Variants in ARHGAP15 observed in about 807,000 individuals in gnomAD.
ARHGAP15 encodes the protein rho GTPase-activating protein 15.
ARHGAP15 carries 51 observed loss-of-function variants against 63.7 expected under a neutral mutation model. The observed-to-expected ratio is 0.80, with a 90% CI of 0.64 to 1.01. The LOEUF (loss-of-function observed/expected upper bound fraction) is 1.01, where lower values mean the gene tolerates loss of function less well. Among genes scored for constraint, ARHGAP15 ranks in the 50% least tolerant of loss-of-function variants. The probability of loss-of-function intolerance (pLI) is 0.00; values close to 1 mark genes in which losing one functional copy is unlikely to be tolerated. For missense variants in ARHGAP15, 560 were observed against 564.6 expected (o/e 0.99, Z 0.08); for synonymous variants, 191 against 193.8 (o/e 0.99, Z 0.12).
chr2:143,279,469 A>G (rs1681735428), intron 6 of ARHGAP15, among the ~76,000 whole-genome samples: 1 of 152,160 alleles, frequency 6.6e-6, no homozygotes, highest in African/African-American at 2.4e-5. Flanking sequence ...ACCCGGGCCT[A>G]TTTTTGAGAT....
intron 1 of ARHGAP15, 49 bp downstream of exon 1, chr2:143,129,515 C>T (rs354710): frequency 0.5 from 76,593 of 152,026 alleles, 20,506 homozygotes; most frequent in Non-Finnish European, 0.6. Flanking sequence ...TGAACATGTT[C>T]GGCAGAGTTT....
intron 4 of ARHGAP15, among the ~76,000 whole-genome samples, chr2:143,225,523 C>G (rs747615778): frequency 1.3e-5 from 2 of 152,164 alleles, no homozygotes; most frequent in African/African-American, 2.4e-5. Flanking sequence ...ATGGCATGAA[C>G]CCAGGAGGCG....
chr2:143,430,226 A>G (rs928729475), intron 6 of ARHGAP15, among the ~76,000 whole-genome samples: 4 of 151,866 alleles, frequency 2.6e-5, no homozygotes, highest in Non-Finnish European at 5.9e-5. Context: ...ACATCTAGCA[A>G]CATTGGGAAC....
At chr2:143,766,448 TGG>T (rs2105562119) in intron 13 of ARHGAP15, among the ~76,000 whole-genome samples, 1 of 152,238 alleles carries the variant, frequency 6.6e-6, no homozygotes, top group African/African-American at 2.4e-5. Context: ...TACTTCACAA[TGG>T]CCCCCAACGT....
chr2:143,208,521 AACTACCCAGTTC>A (rs1347642539), intron 3 of ARHGAP15, among the ~76,000 whole-genome samples: 29 of 152,316 alleles, frequency 1.9e-4, no homozygotes, highest in Middle Eastern at 3.4e-3. Context: ...TCAGAGTGGA[AACTACCCAGTTC>A]ACTGACAGAT....
intron 2 of ARHGAP15, among the ~76,000 whole-genome samples, chr2:143,184,030 G>C (rs1376164123): frequency 6.6e-6 from 1 of 152,102 alleles, no homozygotes; most frequent in African/African-American, 2.4e-5. Context: ...CCAAGTCCCA[G>C]GAAGAAAAGA....
intron 6 of ARHGAP15, among the ~76,000 whole-genome samples, chr2:143,397,032 TCTC>T (rs888398611): frequency 3.9e-5 from 6 of 151,940 alleles, no homozygotes; most frequent in African/African-American, 1.5e-4. Context: ...AAAATAGAGT[TCTC>T]CTCCTCCACA....
At chr2:143,229,009 A>G (rs1186683388) in intron 5 of ARHGAP15, among the ~76,000 whole-genome samples, 1 of 152,192 alleles carries the variant, frequency 6.6e-6, no homozygotes, top group African/African-American at 2.4e-5. Context: ...CAAATAATGT[A>G]TTATAAAGTA....
chr2:143,561,600 C>A (rs1219439909), intron 11 of ARHGAP15, among the ~76,000 whole-genome samples: 1 of 151,290 alleles, frequency 6.6e-6, no homozygotes, highest in African/African-American at 2.4e-5. Flanking sequence ...ACTGCAACCT[C>A]CACCTCCCGG....
At chr2:143,319,909 G>A (rs1316759996) in intron 6 of ARHGAP15, among the ~76,000 whole-genome samples, 2 of 152,042 alleles carry the variant, frequency 1.3e-5, no homozygotes, top group Admixed American at 6.5e-5. Flanking sequence ...CACCAAGATC[G>A]GTAAAAATGT....
At chr2:143,484,686 C>CATAT (rs1423283473) in intron 8 of ARHGAP15, among the ~76,000 whole-genome samples, 1 of 152,100 alleles carries the variant, frequency 6.6e-6, no homozygotes, top group Non-Finnish European at 1.5e-5. Flanking sequence ...CAACATGAAA[C>CATAT]ATATGTATAA....
chr2:143,541,842 G>C (rs4306665), intron 10 of ARHGAP15, among the ~76,000 whole-genome samples: 41,770 of 152,160 alleles, frequency 0.27, 6,103 homozygotes, highest in African/African-American at 0.38. Context: ...ACTTGAGGAG[G>C]CAGTCTGCCC....
chr2:143,144,235 T>C (rs931263212), intron 1 of ARHGAP15, among the ~76,000 whole-genome samples: 2 of 152,046 alleles, frequency 1.3e-5, no homozygotes, highest in Non-Finnish European at 2.9e-5. Context: ...TACACATGCA[T>C]AAAGGGATGA....
chr2:143,429,529 C>T (rs752657993), intron 6 of ARHGAP15, among the ~76,000 whole-genome samples: 6 of 152,046 alleles, frequency 3.9e-5, no homozygotes, highest in Non-Finnish European at 7.4e-5. Flanking sequence ...TAAGAAATTG[C>T]TTACATGGGC....
chr2:143,411,891 CAGAA>C (rs1358731965), intron 6 of ARHGAP15, among the ~76,000 whole-genome samples: 5 of 152,050 alleles, frequency 3.3e-5, no homozygotes, highest in African/African-American at 1.2e-4. Context: ...GAAGATGAAT[CAGAA>C]AGAGAGGGAA....
At chr2:143,556,382 T>A (rs1158775002) in intron 10 of ARHGAP15, 26 bp from the exon 11 acceptor site, 1 of 1,558,780 alleles carries the variant, frequency 6.4e-7, no homozygotes, top group Non-Finnish European at 8.8e-7. Context: ...TATGTGCTAA[T>A]ATAAAATATG....
intron 2 of ARHGAP15, among the ~76,000 whole-genome samples, chr2:143,185,294 G>T (rs13028667): frequency 6.6e-6 from 1 of 152,022 alleles, no homozygotes; most frequent in East Asian, 1.9e-4. Flanking sequence ...AATTTACTTC[G>T]TCCCTATTGA....
intron 6 of ARHGAP15, among the ~76,000 whole-genome samples, chr2:143,348,285 T>C (rs952739383): frequency 1.4e-4 from 22 of 152,216 alleles, no homozygotes; most frequent in African/African-American, 5.3e-4. Flanking sequence ...AGTTAATTCA[T>C]GCAGAGTAAG....
chr2:143,349,654 G>A (rs1685470512), intron 6 of ARHGAP15, among the ~76,000 whole-genome samples: 1 of 152,072 alleles, frequency 6.6e-6, no homozygotes, highest in South Asian at 2.1e-4. Context: ...TTTTGTATTA[G>A]TATGATGACA....
Sources: allele counts gnomAD v4.1 joint callset (sites outside exome capture counted in the v4.1 genomes callset), GRCh38; gene constraint gnomAD v4.1.1; transcripts MANE v1.5; gene names NCBI Gene and HGNC (gene_info 2026-07-23, HGNC 2026-07-21).